XKR6: variants seen among roughly 807,000 people sequenced by gnomAD.
XKR6 encodes the protein XK related 6, also known as XK-related protein 6.
In XKR6, 22 loss-of-function variants were observed where a neutral mutation model predicts 56.7. That is an observed-to-expected ratio of 0.39 (90% CI 0.28 to 0.55). The LOEUF (loss-of-function observed/expected upper bound fraction) is 0.55. XKR6 is among the 20% of genes least tolerant of loss of function. The probability of loss-of-function intolerance (pLI) is 0.66; values close to 1 mark genes in which losing one functional copy is unlikely to be tolerated. For synonymous variants in XKR6, 524 were observed against 387.8 expected, an observed-to-expected ratio of 1.35 and a Z score of -4.13; for missense variants, 852 against 889.0, an observed-to-expected ratio of 0.96 and a Z score of 0.53.
intron 1 of XKR6, among the ~76,000 whole-genome samples, chr8:10,958,720 C>A (rs1801970969): frequency 6.6e-6 from 1 of 152,212 alleles, no homozygotes; most frequent in Non-Finnish European, 1.5e-5. Context: ...AGTTTCTCAA[C>A]TGTAAAATGG....
intron 2 of XKR6, among the ~76,000 whole-genome samples, chr8:10,908,658 G>A (rs773492615): frequency 1.3e-5 from 2 of 151,858 alleles, no homozygotes; most frequent in African/African-American, 2.4e-5. Flanking sequence ...GGCCCTCCCC[G>A]ACCACCACAC....
At chr8:11,104,078 G>A (rs1188733829) in intron 1 of XKR6, among the ~76,000 whole-genome samples, 4 of 152,208 alleles carry the variant, frequency 2.6e-5, no homozygotes, top group Admixed American at 1.3e-4. Flanking sequence ...GAAAGCAGGT[G>A]TCTGCCTCAC....
chr8:11,096,851 C>G lies in XKR6; in HGVS notation c.764+103725G>C, dbSNP rs917963608. On this transcript the variant is annotated intron_variant, in intron 1 of 2. Transcript: ENST00000416569. ...ATACCATATGAAGAATATGCATACT[C>G]AAGACCTCACTGAATGTCACCCAAA... Among the ~76,000 whole-genome samples, 19 of 152,360 alleles carry G rather than the reference C, an allele frequency of 1.2e-4. 2 individuals are homozygous for G. The highest frequency in any genetic ancestry group is 9.1e-4 in the Admixed American group (14 of 15,302).
intron 1 of XKR6, among the ~76,000 whole-genome samples, chr8:11,091,097 T>C (rs978739799): frequency 5.3e-5 from 8 of 152,038 alleles, no homozygotes; most frequent in African/African-American, 1.9e-4. Context: ...GCACCAGGAA[T>C]GGCATGAAAG....
intron 1 of XKR6, among the ~76,000 whole-genome samples, chr8:11,090,037 G>A (rs903733301): frequency 2.0e-5 from 3 of 151,976 alleles, no homozygotes; most frequent in African/African-American, 4.8e-5. Flanking sequence ...TTTAACAGTT[G>A]GACAGTATTA....
At chr8:11,037,804 G>A (rs1297939175) in intron 1 of XKR6, among the ~76,000 whole-genome samples, 2 of 151,166 alleles carry the variant, frequency 1.3e-5, no homozygotes, top group Non-Finnish European at 2.9e-5. Context: ...CTTGCACTGA[G>A]CCGAGATCGT....
intron 1 of XKR6, among the ~76,000 whole-genome samples, chr8:10,999,521 CA>C (rs1480338241): frequency 6.6e-6 from 1 of 152,094 alleles, no homozygotes; most frequent in African/African-American, 2.4e-5. Context: ...GAAATTTTTT[CA>C]AGAAATAAAT....
At chr8:10,937,741 G>A (rs1382324855) in intron 1 of XKR6, among the ~76,000 whole-genome samples, 1 of 149,544 alleles carries the variant, frequency 6.7e-6, no homozygotes. Flanking sequence ...ACCCACTTGA[G>A]GAGGCAGTCT....
intron 1 of XKR6, among the ~76,000 whole-genome samples, chr8:11,187,604 A>T (rs1338196056): frequency 6.6e-6 from 1 of 152,196 alleles, no homozygotes; most frequent in Non-Finnish European, 1.5e-5. Flanking sequence ...ATAATGAGAA[A>T]GACTTAGAAA....
chr8:11,041,088 C>T lies in XKR6; in HGVS notation c.765-116258G>A, dbSNP rs574234558. On this transcript the variant is annotated intron_variant, in intron 1 of 2. Coordinates refer to ENST00000416569, the MANE Select transcript of XKR6 (RefSeq NM_173683.4). ...CAAACAGCATTGGTGGAAGTGGCTG[C>T]CACCCCCATCAGGATCAGAGGAGAG... Among the ~76,000 whole-genome samples, 72 of 152,170 alleles carry T rather than the reference C, an allele frequency of 4.7e-4. No individual in the cohort carries two copies. In the South Asian group the frequency reaches 0.015, roughly 31 times the overall value.
chr8:11,028,921 G>A (rs1798930113), intron 1 of XKR6, among the ~76,000 whole-genome samples: 1 of 152,178 alleles, frequency 6.6e-6, no homozygotes, highest in African/African-American at 2.4e-5. Context: ...ACTCTCTGCA[G>A]GTGGCCCCCT....
chr8:11,121,627 C>G (rs375662882), intron 1 of XKR6, among the ~76,000 whole-genome samples: 1 of 152,282 alleles, frequency 6.6e-6, no homozygotes, highest in African/African-American at 2.4e-5. Flanking sequence ...GTCAGTGTGG[C>G]GATTCCTCAG....
rs753515024 is a variant in XKR6 at position 11,193,860 on chromosome 8, C to T, written c.764+6716G>A. On this transcript the variant is annotated intron_variant, in intron 1 of 2. Coordinates refer to ENST00000416569, the MANE Select transcript of XKR6 (RefSeq NM_173683.4). ...TTAATCTACCACTAAAAATTTTAAA[C>T]AGATTACAAAAAAAAGACTACTGAA... Among the ~76,000 whole-genome samples, 9 of 150,172 alleles carry T rather than the reference C, an allele frequency of 6.0e-5. 1 individual carries two copies. Among genetic ancestry groups the T allele is most frequent in the Non-Finnish European group, 1.3e-4 (9 of 67,730 alleles).
chr8:11,120,348 C>CA (rs1799387668), intron 1 of XKR6, among the ~76,000 whole-genome samples: 1 of 152,200 alleles, frequency 6.6e-6, no homozygotes, highest in South Asian at 2.1e-4. Context: ...TCTCAGGATA[C>CA]AAAATCAATG....
At chr8:11,146,841 G>C (rs1275193616) in intron 1 of XKR6, among the ~76,000 whole-genome samples, 2 of 151,882 alleles carry the variant, frequency 1.3e-5, no homozygotes, top group Non-Finnish European at 2.9e-5. Context: ...CAGACCTGGA[G>C]GGCATTATGT....
At chr8:11,058,730 A>C (rs1243932298) in intron 1 of XKR6, among the ~76,000 whole-genome samples, 1 of 152,116 alleles carries the variant, frequency 6.6e-6, no homozygotes, top group Non-Finnish European at 1.5e-5. Context: ...ACAAACACCT[A>C]ATGCATGCGG....
intron 1 of XKR6, among the ~76,000 whole-genome samples, chr8:11,042,233 C>CT (rs112524909): frequency 1.2e-3 from 180 of 144,086 alleles, no homozygotes; most frequent in Middle Eastern, 3.7e-3. Flanking sequence ...TTTAGGATTC[C>CT]TTTTTTTTTT....
intron 1 of XKR6, among the ~76,000 whole-genome samples, chr8:11,007,280 A>G (rs544955683): frequency 7.9e-5 from 12 of 152,324 alleles, no homozygotes; most frequent in South Asian, 6.2e-4. Context: ...CTTGTCATGT[A>G]TGATAGTTAA....
intron 1 of XKR6, among the ~76,000 whole-genome samples, chr8:11,075,613 G>C (rs1469723286): frequency 1.3e-5 from 2 of 152,146 alleles, no homozygotes; most frequent in African/African-American, 2.4e-5. Flanking sequence ...GGCCAGGCTC[G>C]GTAGCTCACA....
Sources: gnomAD v4.1 joint callset for allele counts (sites outside exome capture counted in the v4.1 genomes callset) on GRCh38, gnomAD v4.1.1 for gene constraint, MANE v1.5 for transcripts, NCBI Gene and HGNC (gene_info 2026-07-23, HGNC 2026-07-21) for gene names.